The following BEAN1 variants were observed in gnomAD, a reference collection of about 807,000 sequenced individuals.
BEAN1 encodes the protein brain expressed associated with NEDD4 1, also known as protein BEAN1.
BEAN1 carries 17 observed loss-of-function variants against 17.7 expected under a neutral mutation model. The ratio of observed to expected loss-of-function variants is 0.96; its 90% CI spans 0.66 to 1.44. BEAN1 has a LOEUF of 1.44. BEAN1 is among the 40% of genes most tolerant of loss of function. BEAN1 has a pLI of 0.00. For missense variants in BEAN1, 359 were observed against 374.1 expected, an observed-to-expected ratio of 0.96 and a Z score of 0.33; for synonymous variants, 142 against 151.8, an observed-to-expected ratio of 0.94 and a Z score of 0.47.
downstream of BEAN1, among the ~76,000 whole-genome samples, chr16:66,487,550 ACC>A (rs754146690): frequency 6.6e-6 from 1 of 151,770 alleles, no homozygotes; most frequent in South Asian, 2.1e-4. Context: ...CAGACCTGGG[ACC>A]CTCTGCCCAG....
At chr16:66,463,166 G>A (rs569857450) in intron 2 of BEAN1, among the ~76,000 whole-genome samples, 3 of 152,318 alleles carry the variant, frequency 2.0e-5, no homozygotes, top group Non-Finnish European at 4.4e-5. Flanking sequence ...ATGCCTAGGA[G>A]TGCAAGTGCT....
intron 4 of BEAN1, among the ~76,000 whole-genome samples, chr16:66,492,509 T>C (rs1964189332): frequency 6.6e-6 from 1 of 151,622 alleles, no homozygotes; most frequent in African/African-American, 2.4e-5. Context: ...GTGCAATCTG[T>C]CCTCACTGCA....
chr16:66,489,575 G>A (rs1030929621), intron 4 of BEAN1, among the ~76,000 whole-genome samples: 14 of 152,206 alleles, frequency 9.2e-5, no homozygotes, highest in African/African-American at 4.8e-5. Context: ...CACCCACAGT[G>A]TTGTGGGTAG....
downstream of BEAN1, among the ~76,000 whole-genome samples, chr16:66,494,703 C>A (rs553103841): frequency 3.9e-5 from 6 of 152,186 alleles, no homozygotes; most frequent in South Asian, 1.2e-3. Context: ...CCTTTTCTTT[C>A]GGCTAATTTG....
At chr16:66,444,787 G>T (rs1450022998) in intron 2 of BEAN1, among the ~76,000 whole-genome samples, 1 of 152,142 alleles carries the variant, frequency 6.6e-6, no homozygotes, top group African/African-American at 2.4e-5. Flanking sequence ...TGCCATGAGC[G>T]GGAGGTGGGG....
At chr16:66,478,306 T>A (rs1963841983) in intron 4 of BEAN1, among the ~76,000 whole-genome samples, 1 of 152,172 alleles carries the variant, frequency 6.6e-6, no homozygotes, top group Admixed American at 6.5e-5. Flanking sequence ...AATGTCCATG[T>A]AATAATACCT....
chr16:66,444,480 G>A (rs1169698472), intron 2 of BEAN1, among the ~76,000 whole-genome samples: 1 of 152,188 alleles, frequency 6.6e-6, no homozygotes, highest in African/African-American at 2.4e-5. Context: ...CAGTGCAGGG[G>A]GAGGATGGAG....
intron 2 of BEAN1, among the ~76,000 whole-genome samples, chr16:66,465,417 A>G (rs994724690): frequency 2.6e-5 from 4 of 152,194 alleles, no homozygotes; most frequent in African/African-American, 9.7e-5. Flanking sequence ...GAATGAGTTG[A>G]TAAGTGTTCC....
chr16:66,436,259 T>G (rs1316610860), intron 1 of BEAN1, among the ~76,000 whole-genome samples: 1 of 145,474 alleles, frequency 6.9e-6, no homozygotes, highest in Non-Finnish European at 1.5e-5. Context: ...GCTACTTTTT[T>G]TCTTTTCTTT....
chr16:66,489,604 AGTGTGG>A lies in BEAN1; in HGVS notation c.148-3354_148-3349del, dbSNP rs146509433. The stretch of plus-strand genomic sequence containing the variant: ...TGGGTAGTGACTATCTGGAGCCAGT[AGTGTGG>A]GTGGTAAAGGAATCTACCAAGACAG... On this transcript the variant is annotated intron_variant, in intron 4 of 4. Coordinates refer to the BEAN1 transcript ENST00000561796. 9.9e-3 allele frequency among the ~76,000 whole-genome samples: 1,506 copies of A among 152,318 alleles called. 35 individuals are homozygous for A. Among genetic ancestry groups the A allele is most frequent in the African/African-American group, 0.034 (1,429 of 41,576 alleles).
Position 66,480,670 on chromosome 16 carries a change from C to T in BEAN1, c.525C>T (p.Cys175=). 2 of 1,551,662 alleles carry T rather than the reference C, an allele frequency of 1.3e-6. No individual in the cohort carries two copies. Among genetic ancestry groups the T allele is most frequent in the Non-Finnish European group, 8.7e-7 (1 of 1,146,944 alleles). The change falls in exon 5 of 5, where the codon TGC becomes TGT. Residue 175 remains cysteine (C), a synonymous_variant. Coordinates refer to ENST00000536005, the MANE Select transcript of BEAN1 (RefSeq NM_001178020.3). Reference sequence around the variant, plus strand: ...CACCCTACTCGCTGACTGATTCCTGCCCCACGCTGGATGGCACCTCCGACT... The same window carrying T: ...CACCCTACTCGCTGACTGATTCCTGTCCCACGCTGGATGGCACCTCCGACT... ...APPPYSLTDS[C]PTLDGTSDSG...
chr16:66,446,436 G>T (rs965140757), intron 2 of BEAN1, among the ~76,000 whole-genome samples: 65 of 152,288 alleles, frequency 4.3e-4, no homozygotes, highest in African/African-American at 1.5e-3. Context: ...TTGGTGGGGG[G>T]CTGTGAGTCA....
downstream of BEAN1, chr16:66,482,854 TTTTTC>T (rs1964028152): frequency 2.2e-6 from 1 of 455,960 alleles, no homozygotes; most frequent in East Asian, 6.9e-5. Context: ...AAGGTTCCTT[TTTTTC>T]TTTTCTTTTT....
chr16:66,480,117 C>T (rs1054581414), intron 4 of BEAN1, among the ~76,000 whole-genome samples: 8 of 152,124 alleles, frequency 5.3e-5, no homozygotes, highest in East Asian at 1.9e-4. Context: ...CCAGTCCTTT[C>T]GGGGCAATGG....
At chr16:66,429,791 A>G (rs1453494632) in intron 1 of BEAN1, among the ~76,000 whole-genome samples, 2 of 152,162 alleles carry the variant, frequency 1.3e-5, no homozygotes, top group African/African-American at 4.8e-5. Flanking sequence ...AAAGGAGTTA[A>G]TCAGGAACTA....
At position 66,434,669 on chromosome 16, in the gene BEAN1, G is replaced by A. The variant is rs75719510; in HGVS notation, c.-82-2926G>A. Among the ~76,000 whole-genome samples, 693 of 152,256 alleles carry A rather than the reference G, an allele frequency of 4.6e-3. 17 individuals carry two copies. In the East Asian group the frequency reaches 0.069, roughly 15 times the overall value. ...TAAAGTGCTGATGGCATTGCAGGAG[G>A]CAGGGAGTGGCAGCCCGGGTTACTG... On this transcript the variant is annotated intron_variant, in intron 1 of 4. Coordinates refer to ENST00000536005, the MANE Select transcript of BEAN1 (RefSeq NM_001178020.3). The surrounding 1 kb of genome is among the most constrained non-coding windows in gnomAD (Gnocchi z 4.3).
At position 66,427,679 on chromosome 16, in the gene BEAN1, G is replaced by T. The variant is rs972613413; in HGVS notation, c.-83+248G>T. ...GCCACTGGGATCTGCGCGAGCCGAG[G>T]CTGACCCTGATCGCGCCCTCGGGCC... is the stretch of plus-strand genomic sequence containing the variant. On this transcript the variant is annotated intron_variant, in intron 1 of 4. Transcript: ENST00000536005. This position sits in a 1 kb window ranked among gnomAD's most constrained non-coding sequence, Gnocchi z 4.7. 8 of 152,292 alleles carry T rather than the reference G, an allele frequency of 5.3e-5. No individual in the cohort carries two copies. Among genetic ancestry groups the T allele is most frequent in the African/African-American group, 1.9e-4 (8 of 41,586 alleles). 9.4% of individuals were successfully genotyped at this position (152,292 alleles called of 1,614,324 possible). A position where few individuals can be genotyped will look rare whatever the true frequency, so the allele number is the denominator to read the frequency against.
chr16:66,442,501 G>A (rs1962295579), intron 2 of BEAN1, among the ~76,000 whole-genome samples: 1 of 152,150 alleles, frequency 6.6e-6, no homozygotes, highest in South Asian at 2.1e-4. Context: ...AGTCAAGTGG[G>A]GCTTGTCTCT....
downstream of BEAN1, among the ~76,000 whole-genome samples, chr16:66,486,791 C>T (rs866372864): frequency 6.6e-6 from 1 of 152,194 alleles, no homozygotes; most frequent in African/African-American, 2.4e-5. Flanking sequence ...AGGCCCTACC[C>T]CTCAGATCTC....
Sources: gnomAD v4.1 joint callset for allele counts (sites outside exome capture counted in the v4.1 genomes callset) on GRCh38, gnomAD v4.1.1 for gene constraint, Gnocchi (gnomAD v3.1) non-coding constraint, MANE v1.5 for transcripts, NCBI Gene and HGNC (gene_info 2026-07-23, HGNC 2026-07-21) for gene names.